The following UHRF2 variants were observed in gnomAD, a reference collection of about 807,000 sequenced individuals.
The protein encoded by UHRF2 is E3 ubiquitin-protein ligase UHRF2.
In UHRF2, 23 loss-of-function variants were observed where a neutral mutation model predicts 96.8. The observed-to-expected ratio is 0.24, with a 90% CI of 0.17 to 0.34. The LOEUF (loss-of-function observed/expected upper bound fraction) is 0.34, where lower values mean the gene tolerates loss of function less well. Ranked by LOEUF, UHRF2 falls within the 10% of genes least tolerant of loss-of-function variation. The probability of loss-of-function intolerance (pLI) is 1.00; values close to 1 mark genes in which losing one functional copy is unlikely to be tolerated. For synonymous variants in UHRF2, 385 were observed against 332.6 expected, an observed-to-expected ratio of 1.16 and a Z score of -1.72; for missense variants, 685 against 981.5, an observed-to-expected ratio of 0.70 and a Z score of 4.04.
intron 14 of UHRF2, among the ~76,000 whole-genome samples, chr9:6,501,183 T>C (rs369164801): frequency 1.3e-5 from 2 of 152,202 alleles, no homozygotes; most frequent in African/African-American, 4.8e-5. Context: ...ATTAATCACA[T>C]AATTTTAAAG....
chr9:6,474,073 G>C (rs1009111183), intron 4 of UHRF2, among the ~76,000 whole-genome samples: 2 of 152,170 alleles, frequency 1.3e-5, no homozygotes, highest in African/African-American at 4.8e-5. Context: ...AAAAATTAAG[G>C]TAAATATAAC....
chr9:6,420,706 CAAAAAAA>C (rs879041284), intron 1 of UHRF2, among the ~76,000 whole-genome samples, 199 bp from the exon 2 acceptor site: 2 of 70,796 alleles, frequency 2.8e-5, no homozygotes, highest in African/African-American at 1.1e-4. Context: ...GACACCGTCT[CAAAAAAA>C]AAAAAAAAGA....
intron 4 of UHRF2, among the ~76,000 whole-genome samples, chr9:6,468,140 A>G (rs1042805039): frequency 6.6e-6 from 1 of 152,184 alleles, no homozygotes; most frequent in South Asian, 2.1e-4. Context: ...GTATCGGCCT[A>G]TTAGATTCAG....
At chr9:6,466,354 G>T (rs879436045) in intron 4 of UHRF2, among the ~76,000 whole-genome samples, 1 of 152,018 alleles carries the variant, frequency 6.6e-6, no homozygotes, top group Non-Finnish European at 1.5e-5. Flanking sequence ...CCTGGGCAAC[G>T]TGGTGAAACG....
chr9:6,471,826 C>G (rs750281096), intron 4 of UHRF2, among the ~76,000 whole-genome samples: 2 of 151,990 alleles, frequency 1.3e-5, no homozygotes, highest in Non-Finnish European at 2.9e-5. Flanking sequence ...GACTAAAGCT[C>G]TATATTGAGA....
intron 2 of UHRF2, among the ~76,000 whole-genome samples, chr9:6,425,754 C>T (rs535992998): frequency 2.9e-5 from 4 of 137,568 alleles, no homozygotes; most frequent in Middle Eastern, 7.0e-3. Context: ...AGTGAGACTT[C>T]GTCTCAAAGT....
intron 2 of UHRF2, among the ~76,000 whole-genome samples, chr9:6,431,166 C>T (rs1465999446): frequency 6.6e-6 from 1 of 152,168 alleles, no homozygotes; most frequent in Non-Finnish European, 1.5e-5. Flanking sequence ...TTGGCCTATT[C>T]AAATTTTGCT....
intron 3 of UHRF2, among the ~76,000 whole-genome samples, chr9:6,451,225 A>G (rs1821842290): frequency 1.3e-5 from 2 of 152,108 alleles, no homozygotes; most frequent in African/African-American, 4.8e-5. Flanking sequence ...CTGTCTAGTG[A>G]ACTTGGTGTG....
At chr9:6,503,738 T>C (rs546406437) in intron 14 of UHRF2, among the ~76,000 whole-genome samples, 2 of 152,170 alleles carry the variant, frequency 1.3e-5, no homozygotes, top group Non-Finnish European at 2.9e-5. Flanking sequence ...TTTGGAATAC[T>C]GTGCAAAACA....
At chr9:6,420,237 A>G (rs1169234305) in intron 1 of UHRF2, among the ~76,000 whole-genome samples, 1 of 151,766 alleles carries the variant, frequency 6.6e-6, no homozygotes, top group Non-Finnish European at 1.5e-5. Context: ...TTGTATTTCT[A>G]GTAGAGACGG....
At chr9:6,505,771 C>CT (rs1563815239) in intron 15 of UHRF2, among the ~76,000 whole-genome samples, 1 of 152,218 alleles carries the variant, frequency 6.6e-6, no homozygotes, top group Non-Finnish European at 1.5e-5. Flanking sequence ...TATGTAATCT[C>CT]TAACTCCACC....
At chr9:6,473,584 C>T (rs918784597) in intron 4 of UHRF2, among the ~76,000 whole-genome samples, 1 of 152,080 alleles carries the variant, frequency 6.6e-6, no homozygotes, top group African/African-American at 2.4e-5. Context: ...TGGAAATAGA[C>T]CTATGAAATT....
intron 14 of UHRF2, among the ~76,000 whole-genome samples, chr9:6,502,003 G>A (rs1352923240): frequency 6.6e-6 from 1 of 152,130 alleles, no homozygotes; most frequent in Non-Finnish European, 1.5e-5. Flanking sequence ...TCATATTATT[G>A]TGACCTTGCT....
intron 14 of UHRF2, 42 bp downstream of exon 14, chr9:6,500,751 C>T: frequency 6.5e-7 from 1 of 1,528,584 alleles, no homozygotes; most frequent in Non-Finnish European, 8.9e-7. Context: ...CTGATATTAA[C>T]AAATGATAAA....
chr9:6,498,528 G>T lies in UHRF2; in HGVS notation c.1908+370G>T, dbSNP rs78760862. 2.8e-3 allele frequency: 443 copies of T among 160,030 alleles called. 6 individuals carry two copies. Among genetic ancestry groups the T allele is most frequent in the African/African-American group, 0.01 (432 of 41,818 alleles). 9.9% of individuals were successfully genotyped at this position (160,030 alleles called of 1,614,324 possible). On this transcript the variant is annotated intron_variant, in intron 12 of 15. Transcript: ENST00000276893. ...GGGGGTGTCTCTCTGGTAGGGGAAG[G>T]GTGGGGAGGTGGCTTTATAAGAGTG...
At chr9:6,463,782 T>A (rs1487252529) in intron 4 of UHRF2, among the ~76,000 whole-genome samples, 1 of 152,164 alleles carries the variant, frequency 6.6e-6, no homozygotes, top group Non-Finnish European at 1.5e-5. Context: ...AAAAAAATTT[T>A]TTTTTTTAAT....
At chr9:6,500,848 A>G in intron 14 of UHRF2, 139 bp downstream of exon 14, 2 of 749,370 alleles carry the variant, frequency 2.7e-6, no homozygotes, top group Admixed American at 3.3e-5. Context: ...ACTACCTTTC[A>G]GAAATAATCT....
chr9:6,432,515 AC>A, intron 2 of UHRF2, among the ~76,000 whole-genome samples: 1 of 152,322 alleles, frequency 6.6e-6, no homozygotes, highest in East Asian at 1.9e-4. Flanking sequence ...TCCTAACCTT[AC>A]ATTTCATTAG....
chr9:6,433,851 A>G (rs373212943), intron 2 of UHRF2, 63 bp from the exon 3 acceptor site: 2 of 1,540,634 alleles, frequency 1.3e-6, no homozygotes, highest in Non-Finnish European at 1.8e-6. Context: ...CTTGAGTTAC[A>G]TTAAGGTTTT....
Sources: gnomAD v4.1 joint callset for allele counts (sites outside exome capture counted in the v4.1 genomes callset) on GRCh38, gnomAD v4.1.1 for gene constraint, MANE v1.5 for transcripts, NCBI Gene and HGNC (gene_info 2026-07-23, HGNC 2026-07-21) for gene names.